MARCO: variants seen among roughly 807,000 people sequenced by gnomAD.
MARCO encodes the protein macrophage receptor MARCO.
MARCO carries 72 observed loss-of-function variants against 70.0 expected under a neutral mutation model. The ratio of observed to expected loss-of-function variants is 1.03; its 90% CI spans 0.85 to 1.25. The LOEUF (loss-of-function observed/expected upper bound fraction) is 1.25. MARCO is among the 50% of genes most tolerant of loss of function. The pLI is 0.00. For synonymous variants in MARCO, 273 were observed against 243.1 expected, an observed-to-expected ratio of 1.12 and a Z score of -1.14; for missense variants, 696 against 659.3, an observed-to-expected ratio of 1.06 and a Z score of -0.61.
intron 1 of MARCO, among the ~76,000 whole-genome samples, chr2:118,959,710 C>G (rs1679906083): frequency 6.6e-6 from 1 of 152,106 alleles, no homozygotes; most frequent in Non-Finnish European, 1.5e-5. Context: ...GCACAATTCA[C>G]AATTGCAAAA....
In MARCO at chr2:118,969,295, G is replaced by T. The variant is rs200829925; in HGVS notation, c.199+34G>T. ...GGCTTGGTCCTGTGTAGTCCCTCCT[G>T]GGGGGAGAGGGGTGACCCAGCTGGG... is the stretch of plus-strand genomic sequence containing the variant. On this transcript the variant is annotated intron_variant, in intron 2 of 16. Transcript: ENST00000327097. 7.0e-5 allele frequency: 109 copies of T among 1,561,964 alleles called. No individual in the cohort carries two copies. In the Admixed American group the frequency reaches 1.1e-3, roughly 16 times the overall value.
intron 12 of MARCO, 88 bp from the exon 13 acceptor site, chr2:118,990,501 C>G (rs899850008): frequency 4.6e-6 from 6 of 1,309,132 alleles, no homozygotes; most frequent in Non-Finnish European, 6.6e-6. Flanking sequence ...ATTAATCAGA[C>G]AAAAGGTAGA....
At chr2:118,963,263 T>TA (rs1409003659) in intron 1 of MARCO, among the ~76,000 whole-genome samples, 2 of 151,816 alleles carry the variant, frequency 1.3e-5, no homozygotes, top group African/African-American at 2.4e-5. Context: ...TGCTTTTTTT[T>TA]ATCCCATAAA....
At chr2:118,978,862 A>T (rs141627382) in intron 8 of MARCO, among the ~76,000 whole-genome samples, 214 of 152,294 alleles carry the variant, frequency 1.4e-3, no homozygotes, top group South Asian at 4.8e-3. Flanking sequence ...AGTAATAATA[A>T]TAGTAGTAGT....
chr2:118,993,039 C>A, intron 15 of MARCO, 85 bp from the exon 16 acceptor site: 1 of 1,197,034 alleles, frequency 8.4e-7, no homozygotes, highest in Non-Finnish European at 1.2e-6. Context: ...AACTGTAGAA[C>A]TCCAAAATGA....
Position 118,977,842 on chromosome 2 carries a change from C to T in MARCO, c.673C>T (p.Gln225Ter). Residue 225 changes from glutamine (Q) to a stop codon, truncating the protein, a stop_gained, in exon 8 of 17, where the codon CAA becomes TAA. Coordinates refer to ENST00000327097, the MANE Select transcript of MARCO (RefSeq NM_006770.4). LOFTEE classifies it high-confidence loss of function. ...KQGATGTPGP[Q>*]GEKGSKGDGG... is the part of the protein sequence containing the mutation. ...TCTCTTTGCAGGCACCCCAGGACCC[C>T]AAGGAGAGAAGGGCAGCAAAGGCGA... 6.2e-7 allele frequency: 1 copy of T among 1,612,348 alleles called. No homozygotes were observed.
intron 6 of MARCO, among the ~76,000 whole-genome samples, chr2:118,976,491 G>A (rs1680286604): frequency 6.6e-6 from 1 of 151,816 alleles, no homozygotes; most frequent in Non-Finnish European, 1.5e-5. Context: ...TCCCCTCATA[G>A]TCTCACCATT....
chr2:118,969,625 A>T (rs891643627), intron 2 of MARCO, among the ~76,000 whole-genome samples: 6 of 152,128 alleles, frequency 3.9e-5, no homozygotes, highest in Non-Finnish European at 8.8e-5. Flanking sequence ...TTTGAACATG[A>T]TTTTACTTTT....
chr2:118,946,809 A>G (rs1254222439), intron 1 of MARCO, among the ~76,000 whole-genome samples: 1 of 152,236 alleles, frequency 6.6e-6, no homozygotes, highest in Non-Finnish European at 1.5e-5. Context: ...AGTTTTCTGC[A>G]ACCTCGTCAA....
At chr2:118,958,436 A>G (rs1247000907) in intron 1 of MARCO, among the ~76,000 whole-genome samples, 2 of 152,074 alleles carry the variant, frequency 1.3e-5, no homozygotes, top group East Asian at 3.9e-4. Flanking sequence ...AATACTTAGG[A>G]AGATACCTAA....
intron 1 of MARCO, among the ~76,000 whole-genome samples, chr2:118,942,723 G>GT (rs1452916288): frequency 2.6e-5 from 4 of 151,982 alleles, no homozygotes; most frequent in Admixed American, 1.3e-4. Flanking sequence ...CACAGGTTGG[G>GT]TGATACAATG....
intron 1 of MARCO, among the ~76,000 whole-genome samples, chr2:118,962,036 C>T (rs1202618344): frequency 2.0e-5 from 3 of 151,646 alleles, no homozygotes; most frequent in South Asian, 2.1e-4. Context: ...CGTAGACGTG[C>T]GGTCTTATTG....
chr2:118,969,354 GC>G, intron 2 of MARCO, 93 bp downstream of exon 2: 1 of 914,526 alleles, frequency 1.1e-6, no homozygotes, highest in Non-Finnish European at 1.8e-6. Context: ...TGAGTGGAGA[GC>G]CTCGGGCCAC....
At chr2:118,993,538 G>A (rs372829485) in intron 16 of MARCO, among the ~76,000 whole-genome samples, 8 of 152,330 alleles carry the variant, frequency 5.3e-5, no homozygotes, top group African/African-American at 1.4e-4. Context: ...CCTGGCTTCG[G>A]TCAAGGTCCA....
intron 1 of MARCO, among the ~76,000 whole-genome samples, chr2:118,962,743 A>G (rs1471070905): frequency 1.3e-5 from 2 of 151,990 alleles, no homozygotes; most frequent in Non-Finnish European, 2.9e-5. Context: ...GGGCCTGAAT[A>G]TTTCTTTTCT....
chr2:118,977,764 G>A, intron 7 of MARCO, 64 bp from the exon 8 acceptor site: 2 of 1,268,392 alleles, frequency 1.6e-6, no homozygotes, highest in East Asian at 5.0e-5. Flanking sequence ...CTGCCCCTTT[G>A]CCTCTGGTAG....
At chr2:118,952,249 G>C (rs1433671195) in intron 1 of MARCO, among the ~76,000 whole-genome samples, 1 of 152,074 alleles carries the variant, frequency 6.6e-6, no homozygotes, top group Non-Finnish European at 1.5e-5. Flanking sequence ...CAAACCAGTG[G>C]GTGTCTTGCC....
intron 12 of MARCO, among the ~76,000 whole-genome samples, chr2:118,987,603 G>A (rs763641655): frequency 2.0e-5 from 3 of 152,220 alleles, no homozygotes; most frequent in Non-Finnish European, 4.4e-5. Flanking sequence ...AAGGCTGCTC[G>A]TAGGAGGTGG....
chr2:118,989,731 T>C (rs1253483576), intron 12 of MARCO, among the ~76,000 whole-genome samples: 1 of 152,254 alleles, frequency 6.6e-6, no homozygotes, highest in Non-Finnish European at 1.5e-5. Flanking sequence ...CAGATACTTA[T>C]GACTCACTGT....
Sources: gnomAD v4.1 joint callset for allele counts (sites outside exome capture counted in the v4.1 genomes callset) on GRCh38, gnomAD v4.1.1 for gene constraint, MANE v1.5 for transcripts, NCBI Gene and HGNC (gene_info 2026-07-23, HGNC 2026-07-21) for gene names.